Variants in FLG observed in about 807,000 individuals in gnomAD.
FLG encodes the protein epidermal filaggrin.
In FLG, 6 loss-of-function variants were observed where a neutral mutation model predicts 3.8. That is an observed-to-expected ratio of 1.60 (90% CI 0.87 to 3.15). The LOEUF (loss-of-function observed/expected upper bound fraction) is 3.15. FLG is among the 30% of genes most tolerant of loss of function. The pLI is 0.00. For synonymous variants in FLG, 2,551 were observed against 1,931.6 expected (o/e 1.32, Z -8.41); for missense variants, 7,595 against 5,050.9 (o/e 1.50, Z -15.27).
In FLG at chr1:152,307,468, C is replaced by T. The variant is rs1470396459; in HGVS notation, c.7418G>A (p.Arg2473Lys). 8 of 1,613,236 alleles carry T rather than the reference C, an allele frequency of 5.0e-6. No homozygotes were observed. The highest frequency in any genetic ancestry group is 6.8e-6 in the Non-Finnish European group (8 of 1,179,756). ...HGHPGSSSGG[R>K]QGSHYEQLVD... is the part of the protein sequence containing the mutation. ...CAATTGCTCGTAGTGGGATCCCTGC[C>T]TTCCTCCACTGCTTGACCCCGGGTG... is the stretch of plus-strand genomic sequence containing the variant. Residue 2473 changes from arginine to lysine, a missense_variant, in exon 3 of 3, where the codon AGG (arginine) becomes AAG (lysine). Transcript: ENST00000368799.
Position 152,314,514 on chromosome 1 carries a change from T to A in FLG, c.372A>T (p.Arg124Ser), listed in dbSNP as rs1652701588. 6.2e-7 allele frequency: 1 copy of A among 1,613,710 alleles called. No individual in the cohort carries two copies. The highest frequency in any genetic ancestry group is 1.3e-5 in the African/African-American group (1 of 74,904). Residue 124 changes from arginine (R) to serine (S), a missense_variant, in exon 3 of 3, where the codon AGA becomes AGT. Arg to Ser is a moderately radical substitution (Grantham distance 110). Coordinates refer to ENST00000368799, the MANE Select transcript of FLG (RefSeq NM_002016.2). ...KQEENKENRK[R>S]PSSLERRNNR... Reference sequence around the variant, plus strand: ...TGTTTCTTCTTTCCAGACTTGAGGGTCTTTTTCTGTTTTCTTTGTTTTCTT... The same window carrying A: ...TGTTTCTTCTTTCCAGACTTGAGGGACTTTTTCTGTTTTCTTTGTTTTCTT...
rs1004791665 is a variant in FLG, at chr1:152,308,142, G to C, written c.6744C>G (p.Asp2248Glu). Residue 2248 changes from aspartate to glutamate, a missense_variant, in exon 3 of 3, where the codon GAC becomes GAG. Coordinates refer to ENST00000368799, the MANE Select transcript of FLG (RefSeq NM_002016.2). ...CAGAATCTTCTGAGTGTCCCTCACT[G>C]TCACTGTCCTGGCTAACACTGGATC... ...PRGSSVSQDS[D>E]SEGHSEDSER... 11 of 1,613,904 alleles carry C rather than the reference G, an allele frequency of 6.8e-6. No homozygotes were observed. Among genetic ancestry groups the C allele is most frequent in the Non-Finnish European group, 9.3e-6 (11 of 1,180,012 alleles).
At position 152,308,235 on chromosome 1, in the gene FLG, G is replaced by C. The variant is rs370184374; in HGVS notation, c.6651C>G (p.Ala2217=). 1 of 1,613,926 alleles carries C rather than the reference G, an allele frequency of 6.2e-7. No homozygotes were observed. The highest frequency in any genetic ancestry group is 2.2e-5 in the East Asian group (1 of 44,860). The change falls in exon 3 of 3, where the codon GCC becomes GCG. Residue 2217 remains alanine (A), a synonymous_variant. Transcript: ENST00000368799. ...GSHHHEASSW[A]DSSRHSLVGQ... ...CCACCAGTGAGTGTCTAGAGCTGTC[G>C]GCCCAAGAGGAAGCTTCATGATGAT... is the stretch of plus-strand genomic sequence containing the variant.
Position 152,303,836 on chromosome 1 carries a change from G to A in FLG, c.11050C>T (p.Gln3684Ter), listed in dbSNP as rs1175493104. 2.7e-5 allele frequency: 43 copies of A among 1,613,594 alleles called. No homozygotes were observed. The highest frequency in any genetic ancestry group is 3.4e-5 in the Non-Finnish European group (40 of 1,179,910). The change falls in exon 3 of 3, where the codon CAG (glutamine) becomes TAG (stop). Residue 3684 changes from glutamine to a stop codon, truncating the protein, a stop_gained. Coordinates refer to ENST00000368799, the MANE Select transcript of FLG (RefSeq NM_002016.2). LOFTEE classifies it low-confidence loss of function (END_TRUNC). Reference protein sequence around the residue: ...SDTQSVSAHGQAGPHQQSHQE... With the variant: ...SDTQSVSAHG ...TGGCTCTGCTGATGGGGCCCAGCCT[G>A]TCCGTGGGCTGACACTGACTGTGTG...
intron 1 of FLG, among the ~76,000 whole-genome samples, chr1:152,323,195 G>C (rs1269601952): frequency 1.3e-5 from 2 of 151,670 alleles, no homozygotes; most frequent in Non-Finnish European, 3.0e-5. Flanking sequence ...ACATGTAAGA[G>C]ATAAACGAAG....
chr1:152,308,670 G>C lies in FLG; in HGVS notation c.6216C>G (p.His2072Gln), dbSNP rs367724692. ...CTGACTGGCCACGTGCGGACTCTTT[G>C]TGGCTCTGCTGATGGGGCCCAGCTT... ...QGKAGPHQQS[H>Q]KESARGQSGE... The change falls in exon 3 of 3, where the codon CAC (histidine) becomes CAG (glutamine). Residue 2072 changes from histidine (H) to glutamine (Q), a missense_variant. Transcript: ENST00000368799. 1 of 1,614,162 alleles carries C rather than the reference G, an allele frequency of 6.2e-7. No homozygotes were observed. The highest frequency in any genetic ancestry group is 2.2e-5 in the East Asian group (1 of 44,876).
rs756397270 is a variant in FLG, at chr1:152,312,337, C to A, written c.2549G>T (p.Arg850Ile). The part of the protein sequence containing the change: ...TIRGHPGSSR[R>I]GRQGSHHEQS... ...CTCGTGGTGGGACCCCTGCCTTCCT[C>A]TTCTGCTTGACCCCGGGTGTCCACG... Residue 850 changes from arginine to isoleucine, a missense_variant, in exon 3 of 3, where the codon AGA becomes ATA. Physicochemically the swap from Arg to Ile is moderately conservative, Grantham distance 97 (BLOSUM62 -3). Coordinates refer to ENST00000368799, the MANE Select transcript of FLG (RefSeq NM_002016.2). 9 of 1,612,702 alleles carry A rather than the reference C, an allele frequency of 5.6e-6. No individual in the cohort carries two copies. The highest frequency in any genetic ancestry group is 6.8e-6 in the Non-Finnish European group (8 of 1,179,732).
rs541398939 is a variant in FLG at position 152,307,111 on chromosome 1, T to G, written c.7775A>C (p.His2592Pro). 3.0e-5 allele frequency: 48 copies of G among 1,611,464 alleles called. No homozygotes were observed. The East Asian group carries it at 9.4e-4, about 32-fold the overall frequency. ...TCTTAGCTGCTCCTGAGCAGATCCA[T>G]GATGGTTTCTGGAAGCAGACCCAGA... is the stretch of plus-strand genomic sequence containing the variant. ...RWSGSASRNH[H>P]GSAQEQLRDG... The change falls in exon 3 of 3, where the codon CAT becomes CCT. Residue 2592 changes from histidine to proline, a missense_variant. By Grantham distance (77) the His-to-Pro change is moderately conservative. Transcript: ENST00000368799.
Position 152,323,364 on chromosome 1 carries a change from C to T in FLG, c.-22+1825G>A, listed in dbSNP as rs140759570. On this transcript the variant is annotated intron_variant, in intron 1 of 2. Transcript: ENST00000368799. The stretch of plus-strand genomic sequence containing the variant: ...TAGCATTAGAAGAGAGATGTACAAG[C>T]CACACAGTGGGAGGATATACAAAAC... 1.1e-4 allele frequency among the ~76,000 whole-genome samples: 16 copies of T among 151,676 alleles called. No individual in the cohort carries two copies. The East Asian group carries it at 3.1e-3, about 29-fold the overall frequency.
intron 2 of FLG, 199 bp from the exon 3 acceptor site, chr1:152,314,946 A>G: frequency 1.7e-6 from 1 of 599,518 alleles, no homozygotes. Context: ...TAAGGTATCA[A>G]GATTTGATGG....
In FLG at chr1:152,314,123, TG is replaced by T; in HGVS notation, c.762del (p.Asn254LysfsTer18). The T allele has an allele frequency of 6.2e-7, 1 of 1,614,192 alleles. No homozygotes were observed. Among genetic ancestry groups the T allele is most frequent in the Non-Finnish European group, 8.5e-7 (1 of 1,180,014 alleles). ...YDTTDSLLEE[N>X]KIYERSRSSD... Reference sequence around the variant, plus strand: ...GATGACCTTGATCTTTCATATATTTTGTTTTCTTCTAATAGACTATCAGTGG... The same window carrying T: ...GATGACCTTGATCTTTCATATATTTTTTTTCTTCTAATAGACTATCAGTGG... On this transcript the variant is annotated frameshift_variant, in exon 3 of 3. Coordinates refer to ENST00000368799, the MANE Select transcript of FLG (RefSeq NM_002016.2). LOFTEE classifies it low-confidence loss of function (END_TRUNC).
rs775463187 is a variant in FLG at position 152,304,599 on chromosome 1, C to A, written c.10287G>T (p.Glu3429Asp). 2 of 1,610,044 alleles carry A rather than the reference C, an allele frequency of 1.2e-6. No individual in the cohort carries two copies. Among genetic ancestry groups the A allele is most frequent in the Non-Finnish European group, 1.7e-6 (2 of 1,178,240 alleles). ...RDSSRHSASQ[E>D]GQDTIRGHPG... ...GGTGTCCACGAATGGTGTCCTGACC[C>A]TCTTGGGACGCTGAGTGCCTGGAGC... The change falls in exon 3 of 3, where the codon GAG (glutamate) becomes GAT (aspartate). Residue 3429 changes from glutamate (E) to aspartate (D), a missense_variant. Glu to Asp is a conservative substitution (Grantham distance 45). Coordinates refer to ENST00000368799, the MANE Select transcript of FLG (RefSeq NM_002016.2).
intron 1 of FLG, among the ~76,000 whole-genome samples, chr1:152,321,091 C>T (rs1652953893): frequency 6.6e-6 from 1 of 150,514 alleles, no homozygotes; most frequent in Non-Finnish European, 1.5e-5. Flanking sequence ...CATATATACA[C>T]TCACATATAT....
At position 152,312,405 on chromosome 1, in the gene FLG, G is replaced by A. The variant is rs764167935; in HGVS notation, c.2481C>T (p.Asp827=). 1.1e-5 allele frequency: 18 copies of A among 1,613,302 alleles called. No individual in the cohort carries two copies. The highest frequency in any genetic ancestry group is 1.6e-4 in the Middle Eastern group (1 of 6,078). Residue 827 remains aspartate, a synonymous_variant, in exon 3 of 3, where the codon GAC becomes GAT. Coordinates refer to ENST00000368799, the MANE Select transcript of FLG (RefSeq NM_002016.2). The part of the protein sequence containing the change: ...RQGSHHEQAR[D]NSRHSASQDG... ...CTTGGGATGCTGAGTGCCTGGAGTT[G>A]TCTCGTGCCTGCTCATGGTGGGATC...
rs1454533732 is a variant in FLG at position 152,312,817 on chromosome 1, C to G, written c.2069G>C (p.Ser690Thr). 5 of 1,614,074 alleles carry G rather than the reference C, an allele frequency of 3.1e-6. No individual in the cohort carries two copies. Among genetic ancestry groups the G allele is most frequent in the African/African-American group, 2.7e-5 (2 of 74,956 alleles). The change falls in exon 3 of 3, where the codon AGT becomes ACT. Residue 690 changes from serine to threonine, a missense_variant. Physicochemically the swap from Ser to Thr is moderately conservative, Grantham distance 58. Coordinates refer to ENST00000368799, the MANE Select transcript of FLG (RefSeq NM_002016.2). ...SGTRHTQNSS[S>T]GQAASSHEQA... ...TTCATGGGATGACGCAGCCTGTCCA[C>G]TAGAGGAATTCTGTGTGTGACGAGT...
rs144605772 is a variant in FLG at position 152,310,461 on chromosome 1, G to T, written c.4425C>A (p.Asn1475Lys). Residue 1475 changes from asparagine to lysine, a missense_variant, in exon 3 of 3, where the codon AAC becomes AAA. Asn to Lys is a moderately conservative substitution (Grantham distance 94, BLOSUM62 0). Transcript: ENST00000368799. The stretch of plus-strand genomic sequence containing the variant: ...CTTGGGATGCTGAGTGCCTAGAGCT[G>T]TTTCGTGCCTGCTCATGGCGGGATC... Reference protein sequence around the residue: ...RQGSRHEQARNSSRHSASQDG... With the variant: ...RQGSRHEQARKSSRHSASQDG... The T allele has an allele frequency of 3.2e-4, 510 of 1,613,706 alleles. 1 individual carries two copies. Among genetic ancestry groups the T allele is most frequent in the Middle Eastern group, 3.3e-4 (2 of 6,060 alleles).
chr1:152,324,757 A>T (rs1213018047), intron 1 of FLG, among the ~76,000 whole-genome samples: 1 of 151,838 alleles, frequency 6.6e-6, no homozygotes, highest in African/African-American at 2.4e-5. Flanking sequence ...AAGCCAAAAG[A>T]CGGGACACCC....
Position 152,312,597 on chromosome 1 carries a change from T to G in FLG, c.2289A>C (p.Ser763=). 1 of 1,613,562 alleles carries G rather than the reference T, an allele frequency of 6.2e-7. No individual in the cohort carries two copies. The change falls in exon 3 of 3, where the codon TCA becomes TCC. Residue 763 remains serine (S), a synonymous_variant. Transcript: ENST00000368799. The part of the protein sequence containing the change: ...HSEDSDTQSV[S]GHGQAGHHQQ... ...GATGGTGACCAGCCTGTCCATGGCCTGACACTGACTGTGTGTCTGAGTCTT... is the reference window on the plus strand; with the variant it reads ...GATGGTGACCAGCCTGTCCATGGCCGGACACTGACTGTGTGTCTGAGTCTT...
In FLG at chr1:152,310,141, G is replaced by A. The variant is rs996257866; in HGVS notation, c.4745C>T (p.Ala1582Val). 5 of 1,613,762 alleles carry A rather than the reference G, an allele frequency of 3.1e-6. No homozygotes were observed. The highest frequency in any genetic ancestry group is 1.7e-5 in the Admixed American group (1 of 59,968). Residue 1582 changes from alanine (A) to valine (V), a missense_variant, in exon 3 of 3, where the codon GCG becomes GTG. By Grantham distance (64) the Ala-to-Val change is moderately conservative. Coordinates refer to ENST00000368799, the MANE Select transcript of FLG (RefSeq NM_002016.2). ...RHSQVGQGESAGSKTSRRQGS... is the reference protein window; with the variant it reads ...RHSQVGQGESVGSKTSRRQGS... ...CTGGCGCCTGCTTGTCTTGGACCCCGCTGATTCTCCCTGGCCCACCTGTGA... is the reference window on the plus strand; with the variant it reads ...CTGGCGCCTGCTTGTCTTGGACCCCACTGATTCTCCCTGGCCCACCTGTGA...
Sources: allele counts gnomAD v4.1 joint callset (sites outside exome capture counted in the v4.1 genomes callset), GRCh38; gene constraint gnomAD v4.1.1; transcripts MANE v1.5; gene names NCBI Gene and HGNC (gene_info 2026-07-23, HGNC 2026-07-21).